PDE4D: variants seen among roughly 807,000 people sequenced by gnomAD.
The protein encoded by PDE4D is phosphodiesterase 4D.
A neutral mutation model predicts 87.4 loss-of-function variants in PDE4D; 24 were observed. The observed-to-expected ratio is 0.27, with a 90% CI of 0.20 to 0.39. The LOEUF (loss-of-function observed/expected upper bound fraction) is 0.39. Ranked by LOEUF, PDE4D falls within the 10% of genes least tolerant of loss-of-function variation. PDE4D has a pLI of 1.00. For missense variants in PDE4D, 714 were observed against 1,041.0 expected, an observed-to-expected ratio of 0.69 and a Z score of 4.32; for synonymous variants, 384 against 383.2, an observed-to-expected ratio of 1.00 and a Z score of -0.02.
intron 1 of PDE4D, among the ~76,000 whole-genome samples, chr5:59,875,103 C>A (rs1304291532): frequency 6.6e-6 from 1 of 152,106 alleles, no homozygotes; most frequent in African/African-American, 2.4e-5. Context: ...ATATATAAAT[C>A]ATGGAATAAG....
Position 60,265,172 on chromosome 5 carries a change from T to G in PDE4D, c.-89-79485A>C, listed in dbSNP as rs572847201. Among the ~76,000 whole-genome samples, 8 of 152,158 alleles carry G rather than the reference T, an allele frequency of 5.3e-5. No homozygotes were observed. In the South Asian group the frequency reaches 1.7e-3, roughly 32 times the overall value. ...GACACTCAACCTTAACAGAGGAGAT[T>G]AATAGCAGTTCGCTAGTCATATCTA... On this transcript the variant is annotated intron_variant, in intron 1 of 16. Transcript: ENST00000502484.
At chr5:59,493,844 T>C (rs1005208795) in intron 1 of PDE4D, among the ~76,000 whole-genome samples, 9 of 152,202 alleles carry the variant, frequency 5.9e-5, no homozygotes, top group African/African-American at 2.2e-4. Context: ...CATGAAGCTA[T>C]ACAAACCCCA....
intron 2 of PDE4D, among the ~76,000 whole-genome samples, chr5:60,119,675 T>C (rs1778494759): frequency 6.6e-6 from 1 of 152,200 alleles, no homozygotes; most frequent in African/African-American, 2.4e-5. Flanking sequence ...AGTTAATAGA[T>C]ATGAAACATA....
At chr5:60,272,253 C>T (rs1481471251) in intron 1 of PDE4D, among the ~76,000 whole-genome samples, 1 of 152,174 alleles carries the variant, frequency 6.6e-6, no homozygotes, top group Non-Finnish European at 1.5e-5. Context: ...CTAAGATGAC[C>T]TTGAGGGTCC....
chr5:59,110,799 G>C (rs1407763357), intron 5 of PDE4D, among the ~76,000 whole-genome samples: 1 of 152,142 alleles, frequency 6.6e-6, no homozygotes, highest in Non-Finnish European at 1.5e-5. Context: ...TTGAGTCCAG[G>C]AGGCAGAGGC....
intron 2 of PDE4D, among the ~76,000 whole-genome samples, chr5:60,117,044 TC>T (rs1358922471): frequency 7.0e-5 from 5 of 71,942 alleles, no homozygotes; most frequent in African/African-American, 3.6e-4. Context: ...ATTGCATATT[TC>T]TAAAAAAAAA....
intron 1 of PDE4D, among the ~76,000 whole-genome samples, chr5:59,322,185 T>C (rs1260220643): frequency 6.6e-6 from 1 of 152,136 alleles, no homozygotes; most frequent in Non-Finnish European, 1.5e-5. Flanking sequence ...TTTTTATAAG[T>C]GTGCTGGATT....
intron 1 of PDE4D, among the ~76,000 whole-genome samples, chr5:59,888,247 G>C (rs1472010729): frequency 1.3e-5 from 2 of 152,150 alleles, no homozygotes; most frequent in African/African-American, 4.8e-5. Context: ...TTCCCTGCTT[G>C]GGGATTTGTT....
At chr5:59,582,959 G>A (rs1027125805) in intron 1 of PDE4D, among the ~76,000 whole-genome samples, 5 of 152,036 alleles carry the variant, frequency 3.3e-5, no homozygotes, top group African/African-American at 1.2e-4. Flanking sequence ...GTCCTCAGAG[G>A]GGCCCTCCAT....
At chr5:59,555,182 C>A (rs536671201) in intron 1 of PDE4D, among the ~76,000 whole-genome samples, 1 of 152,252 alleles carries the variant, frequency 6.6e-6, no homozygotes, top group African/African-American at 2.4e-5. Context: ...TACAAAAATG[C>A]AATCATGTCC....
intron 6 of PDE4D, among the ~76,000 whole-genome samples, chr5:59,021,123 A>G (rs1174018675): frequency 6.6e-6 from 1 of 152,180 alleles, no homozygotes; most frequent in Non-Finnish European, 1.5e-5. Context: ...AGGGTGAGAG[A>G]AAAGCAAAGC....
intron 3 of PDE4D, among the ~76,000 whole-genome samples, chr5:59,976,140 A>C (rs1307405955): frequency 1.3e-5 from 2 of 152,194 alleles, no homozygotes; most frequent in East Asian, 3.9e-4. Flanking sequence ...AAGTGAATAC[A>C]TTAATATATG....
chr5:60,424,876 T>A (rs1429394589), intron 1 of PDE4D, among the ~76,000 whole-genome samples: 1 of 152,156 alleles, frequency 6.6e-6, no homozygotes, highest in Non-Finnish European at 1.5e-5. Context: ...ACAAGCATTC[T>A]GATATACAAA....
chr5:60,308,098 C>T (rs1313624656), intron 1 of PDE4D, among the ~76,000 whole-genome samples: 1 of 152,072 alleles, frequency 6.6e-6, no homozygotes, highest in East Asian at 1.9e-4. Flanking sequence ...TTACTTATTT[C>T]CATGACAATT....
Position 59,478,522 on chromosome 5 carries a change from A to T in PDE4D, c.456-262554T>A, listed in dbSNP as rs150951038. On this transcript the variant is annotated intron_variant, in intron 1 of 14. Coordinates refer to ENST00000340635, the MANE Select transcript of PDE4D (RefSeq NM_001104631.2). ...GGATACACTAACCACAAATCATTGTATCTTCTTTTTAAATTGGGTACAGAA... is the reference window on the plus strand; with the variant it reads ...GGATACACTAACCACAAATCATTGTTTCTTCTTTTTAAATTGGGTACAGAA... 2.8e-3 allele frequency among the ~76,000 whole-genome samples: 430 copies of T among 152,228 alleles called. 3 individuals are homozygous for T. Among genetic ancestry groups the T allele is most frequent in the African/African-American group, 1.0e-2 (415 of 41,562 alleles).
intron 1 of PDE4D, among the ~76,000 whole-genome samples, chr5:59,668,856 A>AAGGAGAAGAAGG (rs1327876178): frequency 1.6e-5 from 1 of 62,178 alleles, no homozygotes; most frequent in African/African-American, 7.9e-5. Flanking sequence ...GAAGAAGAAG[A>AAGGAGAAGAAGG]AGAAGAAGAA....
At chr5:60,342,583 T>A (rs545588935) in intron 1 of PDE4D, among the ~76,000 whole-genome samples, 68 of 152,292 alleles carry the variant, frequency 4.5e-4, no homozygotes, top group South Asian at 2.5e-3. Flanking sequence ...ATTACTTAGT[T>A]GGGATCTGGT....
intron 1 of PDE4D, among the ~76,000 whole-genome samples, chr5:59,878,896 T>TG (rs1749001088): frequency 2.4e-5 from 3 of 126,070 alleles, no homozygotes; most frequent in African/African-American, 1.0e-4. Context: ...AGTTTTTTTT[T>TG]TTTTTTTTTT....
intron 2 of PDE4D, among the ~76,000 whole-genome samples, chr5:60,137,722 T>C (rs1437238306): frequency 1.3e-5 from 2 of 152,212 alleles, no homozygotes; most frequent in Non-Finnish European, 2.9e-5. Flanking sequence ...AACAATTTTC[T>C]GCCATTCTGT....
Sources: allele counts gnomAD v4.1 joint callset (sites outside exome capture counted in the v4.1 genomes callset), GRCh38; gene constraint gnomAD v4.1.1; transcripts MANE v1.5; gene names NCBI Gene and HGNC (gene_info 2026-07-23, HGNC 2026-07-21).